The following NKAIN2 variants were observed in gnomAD, a reference collection of about 807,000 sequenced individuals.
NKAIN2 encodes the protein sodium/potassium transporting ATPase interacting 2, also known as sodium/potassium-transporting ATPase subunit beta-1-interacting protein 2.
Under a neutral mutation model 32.6 loss-of-function variants are expected in NKAIN2, and 14 were observed. That is an observed-to-expected ratio of 0.43 (90% CI 0.28 to 0.67). The LOEUF (loss-of-function observed/expected upper bound fraction) is 0.67, where lower values mean the gene tolerates loss of function less well. Ranked by LOEUF, NKAIN2 falls within the 30% of genes least tolerant of loss-of-function variation. The pLI, the probability that NKAIN2 is intolerant of heterozygous loss-of-function variation, is 0.17. For missense variants in NKAIN2, 198 were observed against 258.3 expected (o/e 0.77, Z 1.60); for synonymous variants, 80 against 87.2 (o/e 0.92, Z 0.46).
At chr6:124,015,002 G>A (rs1015111555) in intron 1 of NKAIN2, among the ~76,000 whole-genome samples, 6 of 151,946 alleles carry the variant, frequency 3.9e-5, no homozygotes, top group South Asian at 2.1e-4. Context: ...TTATGATGAC[G>A]TTTTTAGGGA....
chr6:124,556,848 T>G (rs1007624479), intron 3 of NKAIN2, among the ~76,000 whole-genome samples: 2 of 152,198 alleles, frequency 1.3e-5, no homozygotes, highest in African/African-American at 4.8e-5. Context: ...ACTTTCAGAC[T>G]AAATCAAATG....
At chr6:123,882,831 C>A (rs1198820237) in intron 1 of NKAIN2, among the ~76,000 whole-genome samples, 1 of 133,910 alleles carries the variant, frequency 7.5e-6, no homozygotes, top group Admixed American at 7.0e-5. Context: ...AGAAGAAAAA[C>A]AAAACAAAAC....
chr6:124,601,257 A>T (rs1363522880), intron 3 of NKAIN2, among the ~76,000 whole-genome samples: 1 of 152,040 alleles, frequency 6.6e-6, no homozygotes, highest in Non-Finnish European at 1.5e-5. Context: ...GAGTTGTACC[A>T]TTACCATGCT....
chr6:124,770,160 C>T lies in NKAIN2; in HGVS notation c.475-21179C>T, dbSNP rs148227342. ...GAAAACATTAACAAACTAAACATTA[C>T]TTTAAAAACATGAAAACATCACATT... On this transcript the variant is annotated intron_variant, in intron 4 of 6. Transcript: ENST00000368417. 3.1e-3 allele frequency among the ~76,000 whole-genome samples: 474 copies of T among 152,268 alleles called. 3 individuals carry two copies. The highest frequency in any genetic ancestry group is 0.011 in the African/African-American group (456 of 41,558).
At chr6:124,185,701 G>T (rs554805086) in intron 1 of NKAIN2, among the ~76,000 whole-genome samples, 1 of 152,230 alleles carries the variant, frequency 6.6e-6, no homozygotes, top group Admixed American at 6.5e-5. Flanking sequence ...TTCACACTAA[G>T]TGAAAGCTCT....
intron 1 of NKAIN2, among the ~76,000 whole-genome samples, chr6:123,810,516 C>T (rs1001983190): frequency 6.6e-6 from 1 of 152,126 alleles, no homozygotes; most frequent in African/African-American, 2.4e-5. Context: ...GGAATCTCCT[C>T]GCTGCAGAGC....
intron 1 of NKAIN2, among the ~76,000 whole-genome samples, chr6:124,252,021 C>A (rs1793710532): frequency 1.3e-5 from 2 of 151,838 alleles, no homozygotes; most frequent in Non-Finnish European, 2.9e-5. Flanking sequence ...TCACTATGTA[C>A]CCCATGAATA....
chr6:124,704,599 T>TTGAC (rs796412949), intron 4 of NKAIN2, among the ~76,000 whole-genome samples: 16 of 151,416 alleles, frequency 1.1e-4, no homozygotes, highest in African/African-American at 3.9e-4. Flanking sequence ...TAGACAATGT[T>TTGAC]TGACTGGAAA....
At chr6:124,300,354 C>T (rs2114973468) in intron 2 of NKAIN2, among the ~76,000 whole-genome samples, 1 of 152,282 alleles carries the variant, frequency 6.6e-6, no homozygotes, top group South Asian at 2.1e-4. Flanking sequence ...TGTCTTCTGT[C>T]ATGATTGTGA....
chr6:124,096,858 CAAA>C (rs60102766), intron 1 of NKAIN2, among the ~76,000 whole-genome samples: 6 of 102,548 alleles, frequency 5.9e-5, no homozygotes, highest in Non-Finnish European at 7.5e-5. Context: ...ACTCCGTCTC[CAAA>C]AAAAAAAAAA....
intron 3 of NKAIN2, among the ~76,000 whole-genome samples, chr6:124,528,283 A>C (rs1779394786): frequency 6.6e-6 from 1 of 152,236 alleles, no homozygotes; most frequent in Non-Finnish European, 1.5e-5. Flanking sequence ...GGAAAACATT[A>C]TGTTCTCCAT....
intron 1 of NKAIN2, among the ~76,000 whole-genome samples, chr6:124,243,139 T>C (rs1793203823): frequency 2.0e-5 from 3 of 151,368 alleles, no homozygotes; most frequent in African/African-American, 7.3e-5. Flanking sequence ...AGGACAGAAG[T>C]AGGTTTCAAA....
chr6:124,558,985 T>G (rs1419996188), intron 3 of NKAIN2, among the ~76,000 whole-genome samples: 3 of 150,864 alleles, frequency 2.0e-5, no homozygotes. Flanking sequence ...AAAGAAATCA[T>G]GCTAGGCCTT....
At chr6:124,251,589 C>T (rs567466724) in intron 1 of NKAIN2, among the ~76,000 whole-genome samples, 61 of 152,082 alleles carry the variant, frequency 4.0e-4, no homozygotes, top group African/African-American at 1.4e-3. Context: ...ATAATTATCT[C>T]TATAAATATT....
intron 3 of NKAIN2, among the ~76,000 whole-genome samples, chr6:124,399,115 CAG>C (rs1446193875): frequency 2.0e-5 from 3 of 152,078 alleles, no homozygotes; most frequent in Non-Finnish European, 4.4e-5. Flanking sequence ...TTAGTAGAGA[CAG>C]GGTTTCACCA....
At chr6:123,927,278 T>C (rs1308605186) in intron 1 of NKAIN2, among the ~76,000 whole-genome samples, 2 of 152,226 alleles carry the variant, frequency 1.3e-5, no homozygotes, top group Non-Finnish European at 2.9e-5. Context: ...ACTAAGTTTT[T>C]TGTAGTCTCA....
chr6:124,656,504 T>A (rs1232446177), intron 3 of NKAIN2, among the ~76,000 whole-genome samples: 1 of 152,042 alleles, frequency 6.6e-6, no homozygotes, highest in African/African-American at 2.4e-5. Context: ...AGGAGAGATA[T>A]CTAGGCTAAC....
chr6:124,768,229 T>C (rs1476334797), intron 4 of NKAIN2, among the ~76,000 whole-genome samples: 1 of 152,198 alleles, frequency 6.6e-6, no homozygotes, highest in Non-Finnish European at 1.5e-5. Flanking sequence ...TATATTACTG[T>C]AATGTGTGAA....
chr6:124,754,766 C>T (rs1362783365), intron 4 of NKAIN2, among the ~76,000 whole-genome samples: 2 of 152,216 alleles, frequency 1.3e-5, no homozygotes, highest in African/African-American at 4.8e-5. Context: ...CTATTCAATC[C>T]AGCAAGCCCA....
Sources: allele counts gnomAD v4.1 joint callset (sites outside exome capture counted in the v4.1 genomes callset), GRCh38; gene constraint gnomAD v4.1.1; transcripts MANE v1.5; gene names NCBI Gene and HGNC (gene_info 2026-07-23, HGNC 2026-07-21).